MAP3K2: variants seen among roughly 807,000 people sequenced by gnomAD.
MAP3K2 encodes the protein MAP/ERK kinase kinase 2.
MAP3K2 carries 24 observed loss-of-function variants against 80.3 expected under a neutral mutation model. That is an observed-to-expected ratio of 0.30 (90% CI 0.22 to 0.42). MAP3K2 has a LOEUF of 0.42. Ranked by LOEUF, MAP3K2 falls within the 10% of genes least tolerant of loss-of-function variation. The pLI is 1.00. For synonymous variants in MAP3K2, 244 were observed against 253.7 expected, an observed-to-expected ratio of 0.96 and a Z score of 0.36; for missense variants, 608 against 750.1, an observed-to-expected ratio of 0.81 and a Z score of 2.21.
rs770973087 is a variant in MAP3K2 at position 127,301,563 on chromosome 2, T to G, written c.*6016A>C. 6.6e-6 allele frequency: 1 copy of G among 152,214 alleles called. No homozygotes were observed. Among genetic ancestry groups the G allele is most frequent in the Non-Finnish European group, 1.5e-5 (1 of 68,028 alleles). 9.4% of individuals were successfully genotyped at this position (152,214 alleles called of 1,614,324 possible). On this transcript the variant is annotated 3_prime_UTR_variant, in exon 17 of 17. Transcript: ENST00000682094. ...ATTTTGGCTATGTGTACAGGGAATA[T>G]AAAAGCTTTGGTTTAAAGTGATTCT...
At chr2:127,374,056 G>A (rs922320966) in intron 1 of MAP3K2, among the ~76,000 whole-genome samples, 2 of 152,206 alleles carry the variant, frequency 1.3e-5, no homozygotes, top group East Asian at 3.9e-4. Context: ...AATGGCTCTG[G>A]TAAACATGGA....
chr2:127,330,632 T>C (rs1015870569), intron 5 of MAP3K2, 127 bp from the exon 6 acceptor site: 6 of 539,208 alleles, frequency 1.1e-5, no homozygotes, highest in African/African-American at 9.7e-5. Flanking sequence ...ATGATGAAAG[T>C]CTGAATGTGT....
chr2:127,366,427 C>T (rs1344902859), intron 1 of MAP3K2, among the ~76,000 whole-genome samples: 1 of 148,324 alleles, frequency 6.7e-6, no homozygotes, highest in African/African-American at 2.5e-5. Context: ...AAAAAGAATA[C>T]TCAGAGGATA....
At chr2:127,384,337 C>T (rs1407490108) in intron 1 of MAP3K2, among the ~76,000 whole-genome samples, 1 of 151,684 alleles carries the variant, frequency 6.6e-6, no homozygotes, top group Non-Finnish European at 1.5e-5. Context: ...AAACGAAATA[C>T]ATTTTGTAAG....
intron 14 of MAP3K2, among the ~76,000 whole-genome samples, chr2:127,315,841 T>C (rs1044820962): frequency 2.4e-4 from 36 of 151,736 alleles, no homozygotes; most frequent in African/African-American, 8.2e-4. Flanking sequence ...TACCATCACT[T>C]TGGGAGGCTG....
chr2:127,308,201 T>G (rs1011081250), intron 16 of MAP3K2, among the ~76,000 whole-genome samples: 2 of 152,216 alleles, frequency 1.3e-5, no homozygotes, highest in Non-Finnish European at 2.9e-5. Context: ...AATGGCCATT[T>G]CATGTTCTAA....
chr2:127,327,213 C>A (rs1043998101), intron 7 of MAP3K2, among the ~76,000 whole-genome samples: 3 of 152,154 alleles, frequency 2.0e-5, no homozygotes, highest in Admixed American at 6.5e-5. Flanking sequence ...CAGTGTCTCA[C>A]CTTTCCTCAT....
chr2:127,344,532 T>C (rs894939904), intron 1 of MAP3K2, among the ~76,000 whole-genome samples: 18 of 148,424 alleles, frequency 1.2e-4, no homozygotes, highest in Admixed American at 1.2e-3. Flanking sequence ...ATGCCAGGTG[T>C]AGTGGTGCAT....
chr2:127,305,167 AC>A lies in MAP3K2; in HGVS notation c.*2411del, dbSNP rs1685672101. On this transcript the variant is annotated 3_prime_UTR_variant, in exon 17 of 17. Coordinates refer to ENST00000682094, the MANE Select transcript of MAP3K2 (RefSeq NM_001371910.2). ...TGTCTCATATTGTGCACTGCTGGTT[AC>A]CCTGACAGACCAAAAACGAGCCAAA... 1 of 152,530 alleles carries A rather than the reference AC, an allele frequency of 6.6e-6. No homozygotes were observed. Among genetic ancestry groups the A allele is most frequent in the African/African-American group, 2.4e-5 (1 of 41,428 alleles). 9.4% of individuals were successfully genotyped at this position (152,530 alleles called of 1,614,324 possible). A position where few individuals can be genotyped will look rare whatever the true frequency, so the allele number is the denominator to read the frequency against.
intron 1 of MAP3K2, among the ~76,000 whole-genome samples, chr2:127,375,495 T>C (rs2104894638): frequency 6.6e-6 from 1 of 152,014 alleles, no homozygotes; most frequent in South Asian, 2.1e-4. Context: ...CTGCAACCTC[T>C]GCTTGCCAGG....
intron 1 of MAP3K2, among the ~76,000 whole-genome samples, chr2:127,350,692 T>C (rs1008061451): frequency 3.9e-5 from 6 of 151,978 alleles, no homozygotes; most frequent in African/African-American, 1.5e-4. Context: ...TGATGAGGAA[T>C]GAGTTACTTA....
intron 1 of MAP3K2, among the ~76,000 whole-genome samples, chr2:127,370,899 GTT>G (rs1333113710): frequency 6.6e-6 from 1 of 152,124 alleles, no homozygotes; most frequent in Non-Finnish European, 1.5e-5. Flanking sequence ...GGAAACGGAG[GTT>G]TTGCCTGAGC....
At chr2:127,385,753 C>T (rs1348629563) in intron 1 of MAP3K2, among the ~76,000 whole-genome samples, 1 of 141,860 alleles carries the variant, frequency 7.0e-6, no homozygotes. Context: ...CTGAAACCAA[C>T]GCTGTAGGAA....
At position 127,319,073 on chromosome 2, in the gene MAP3K2, G is replaced by C. The variant is rs79761868; in HGVS notation, c.1046-756C>G. Among the ~76,000 whole-genome samples, 407 of 152,160 alleles carry C rather than the reference G, an allele frequency of 2.7e-3. 15 individuals are homozygous for C. In the East Asian group the frequency reaches 0.068, roughly 26 times the overall value. ...AGGGAAAGCCTCCCTTGGTGGTCAA[G>C]GCCTGGAAAAGGGGAATGGCCCACT... On this transcript the variant is annotated intron_variant, in intron 12 of 16. Coordinates refer to ENST00000682094, the MANE Select transcript of MAP3K2 (RefSeq NM_001371910.2).
chr2:127,375,500 G>C (rs35293119), intron 1 of MAP3K2, among the ~76,000 whole-genome samples: 68,986 of 150,760 alleles, frequency 0.46, 16,050 homozygotes, highest in East Asian at 0.62. Flanking sequence ...ACCTCTGCTT[G>C]CCAGGTTCAA....
chr2:127,325,824 T>C lies in MAP3K2; in HGVS notation c.598-17A>G. 1.3e-6 allele frequency: 2 copies of C among 1,581,108 alleles called. No homozygotes were observed. The highest frequency in any genetic ancestry group is 1.7e-6 in the Non-Finnish European group (2 of 1,153,268). Reference sequence around the variant, plus strand: ...ATCCAGCATCTAGGAAAAAAAGGAGTTCCACCATGATTCAATTTGATATAA... The same window carrying C: ...ATCCAGCATCTAGGAAAAAAAGGAGCTCCACCATGATTCAATTTGATATAA... On this transcript the variant is annotated splice_polypyrimidine_tract_variant and intron_variant, in intron 8 of 16. Coordinates refer to ENST00000682094, the MANE Select transcript of MAP3K2 (RefSeq NM_001371910.2).
At position 127,369,105 on chromosome 2, in the gene MAP3K2, G is replaced by A. The variant is rs1023261694; in HGVS notation, c.-66+18347C>T. Among the ~76,000 whole-genome samples, 73 of 32,638 alleles carry A rather than the reference G, an allele frequency of 2.2e-3. 1 individual carries two copies. In the Admixed American group the frequency reaches 0.026, roughly 12 times the overall value. 21.4% of individuals were successfully genotyped at this position (32,638 alleles called of 152,430 possible). ...TGGGATTACAGGCACGCATCACCAC[G>A]CCCAGCTATTTTTTTTTTGCATTTT... On this transcript the variant is annotated intron_variant, in intron 1 of 16. Coordinates refer to ENST00000682094, the MANE Select transcript of MAP3K2 (RefSeq NM_001371910.2).
chr2:127,374,731 CTTCTT>C (rs1558990941), intron 1 of MAP3K2, among the ~76,000 whole-genome samples: 3 of 152,288 alleles, frequency 2.0e-5, no homozygotes, highest in East Asian at 3.9e-4. Flanking sequence ...CATTAAACAT[CTTCTT>C]TTAACTTTTG....
In MAP3K2 at chr2:127,318,277, A is replaced by G; in HGVS notation, c.1086T>C (p.Leu362=). ...APTNWRLGKL[L]GQGAFGRVYL... ...AGACCCTTCCAAAGGCTCCTTGGCC[A>G]AGCAGTTTGCCCAATCTCCAGTTGG... Residue 362 remains leucine (L), a synonymous_variant, in exon 13 of 17, where the codon CTT becomes CTC. Transcript: ENST00000682094. 2 of 1,607,418 alleles carry G rather than the reference A, an allele frequency of 1.2e-6. No homozygotes were observed. Among genetic ancestry groups the G allele is most frequent in the South Asian group, 2.2e-5 (2 of 89,458 alleles).
Sources: gnomAD v4.1 joint callset for allele counts (sites outside exome capture counted in the v4.1 genomes callset) on GRCh38, gnomAD v4.1.1 for gene constraint, MANE v1.5 for transcripts, NCBI Gene and HGNC (gene_info 2026-07-23, HGNC 2026-07-21) for gene names.